Variants in LIMS1 observed in about 807,000 individuals in gnomAD.
LIMS1 encodes the protein LIM zinc finger domain containing 1, also known as LIM and senescent cell antigen-like-containing domain protein 1.
A neutral mutation model predicts 44.1 loss-of-function variants in LIMS1; 18 were observed. The observed-to-expected ratio is 0.41, with a 90% CI of 0.28 to 0.61. The LOEUF is 0.61. Among genes scored for constraint, LIMS1 ranks in the 20% least tolerant of loss-of-function variants. The pLI, the probability that LIMS1 is intolerant of heterozygous loss-of-function variation, is 0.32. For missense variants in LIMS1, 201 were observed against 422.0 expected (o/e 0.48, Z 4.59); for synonymous variants, 93 against 149.1 (o/e 0.62, Z 2.74).
chr2:108,608,555 C>T (rs1248706036), intron 1 of LIMS1, among the ~76,000 whole-genome samples: 1 of 152,200 alleles, frequency 6.6e-6, no homozygotes, highest in Admixed American at 6.5e-5. Context: ...CTGCCCTCCT[C>T]GGCCTCCCAA....
At chr2:108,593,540 G>A (rs534952062) in intron 1 of LIMS1, among the ~76,000 whole-genome samples, 40 of 152,274 alleles carry the variant, frequency 2.6e-4, no homozygotes, top group Non-Finnish European at 5.1e-4. Flanking sequence ...GCTAGATTAC[G>A]TCAATTTACA....
chr2:108,551,491 GCACACACACACACACACACACACA>G (rs67589132), intron 1 of LIMS1, among the ~76,000 whole-genome samples: 1 of 114,868 alleles, frequency 8.7e-6, no homozygotes, highest in African/African-American at 3.2e-5. Flanking sequence ...GCGCGCGCGC[GCACACACACACACACACACACACA>G]CACACACACA....
chr2:108,679,862 C>G (rs180751906), intron 8 of LIMS1, among the ~76,000 whole-genome samples: 1 of 151,688 alleles, frequency 6.6e-6, no homozygotes, highest in Non-Finnish European at 1.5e-5. Context: ...TGTGATCGCA[C>G]CACTGCAATA....
At chr2:108,686,698 C>A (rs1246643652) in exon 10 of LIMS1, 2 of 151,830 alleles carry the variant, frequency 1.3e-5, no homozygotes, top group South Asian at 4.2e-4. Flanking sequence ...ATGGCTTGAA[C>A]CCAGGAGGCG....
chr2:108,667,075 A>G (rs976419082), intron 2 of LIMS1, among the ~76,000 whole-genome samples: 12 of 151,818 alleles, frequency 7.9e-5, no homozygotes, highest in African/African-American at 2.9e-4. Context: ...CCTTTCCTGA[A>G]GGCTGGAGGG....
intron 1 of LIMS1, among the ~76,000 whole-genome samples, chr2:108,579,480 T>C (rs1275439767): frequency 2.0e-5 from 3 of 152,238 alleles, no homozygotes; most frequent in East Asian, 3.8e-4. Context: ...GCAAAAATCT[T>C]AAGTGCACAA....
chr2:108,663,435 CTT>C (rs1691509490), intron 2 of LIMS1, among the ~76,000 whole-genome samples: 1 of 152,226 alleles, frequency 6.6e-6, no homozygotes, highest in Non-Finnish European at 1.5e-5. Context: ...GTTCCTAAAT[CTT>C]TGTGACATCC....
Position 108,666,279 on chromosome 2 carries a change from G to A in LIMS1, c.193-4502G>A, listed in dbSNP as rs1187784035. Among the ~76,000 whole-genome samples, 4 of 151,638 alleles carry A rather than the reference G, an allele frequency of 2.6e-5. No homozygotes were observed. The East Asian group carries it at 7.7e-4, about 29-fold the overall frequency. The stretch of plus-strand genomic sequence containing the variant: ...TTAATTTGCTAGAGCAACTCACAGA[G>A]CTCAGGGAAACACTTTTACTGGTTT... On this transcript the variant is annotated intron_variant, in intron 2 of 9. Coordinates refer to ENST00000544547, the Ensembl canonical transcript of LIMS1.
At chr2:108,603,942 T>A (rs1687144068) in intron 1 of LIMS1, among the ~76,000 whole-genome samples, 1 of 152,176 alleles carries the variant, frequency 6.6e-6, no homozygotes, top group Non-Finnish European at 1.5e-5. Flanking sequence ...ATTTGAAGGG[T>A]TTTTTGTTGT....
intron 1 of LIMS1, among the ~76,000 whole-genome samples, chr2:108,543,188 T>A (rs1053835881): frequency 2.6e-5 from 4 of 152,108 alleles, no homozygotes; most frequent in African/African-American, 9.7e-5. Flanking sequence ...CTCAGCACTT[T>A]GGGAGGCTGA....
intron 1 of LIMS1, among the ~76,000 whole-genome samples, chr2:108,657,297 A>G (rs1690939940): frequency 6.6e-6 from 1 of 151,802 alleles, no homozygotes; most frequent in Non-Finnish European, 1.5e-5. Flanking sequence ...ATTCTAGAAT[A>G]TTCTTTTTGG....
intron 1 of LIMS1, among the ~76,000 whole-genome samples, chr2:108,635,058 A>T (rs1689143508): frequency 1.3e-5 from 2 of 152,158 alleles, no homozygotes; most frequent in South Asian, 4.1e-4. Flanking sequence ...GGGGGTCTAC[A>T]CTGGGGTGTG....
At chr2:108,672,345 G>T in exon 4 of LIMS1, 2 of 1,342,762 alleles carry the variant, frequency 1.5e-6, no homozygotes, top group South Asian at 2.6e-5. Context: ...CATTGGCCGA[G>T]TTATCAAAGC....
chr2:108,662,689 C>G (rs1459172691), intron 2 of LIMS1: 9 of 934,052 alleles, frequency 9.6e-6, no homozygotes, highest in Admixed American at 5.0e-5. Context: ...TTATATCCAG[C>G]AATAAGTTGT....
chr2:108,675,380 C>T (rs923090347), intron 5 of LIMS1, among the ~76,000 whole-genome samples: 14 of 152,002 alleles, frequency 9.2e-5, no homozygotes, highest in Non-Finnish European at 2.1e-4. Flanking sequence ...TATAAGGAAC[C>T]CACCCCCTCA....
chr2:108,587,154 G>A (rs1686140860), intron 1 of LIMS1, among the ~76,000 whole-genome samples: 1 of 152,104 alleles, frequency 6.6e-6, no homozygotes, highest in African/African-American at 2.4e-5. Context: ...ACTCTTTCAA[G>A]CACTAAACCC....
chr2:108,604,198 G>A lies in LIMS1; in HGVS notation c.33-55407G>A, dbSNP rs150552347. Among the ~76,000 whole-genome samples, 24 of 151,498 alleles carry A rather than the reference G, an allele frequency of 1.6e-4. No individual in the cohort carries two copies. In the East Asian group the frequency reaches 2.3e-3, roughly 15 times the overall value. ...TCTGGCCTCCTATTTTTTTTACAGC[G>A]TGTGAGCTAAGAATATTTTGACCTT... is the stretch of plus-strand genomic sequence containing the variant. On this transcript the variant is annotated intron_variant, in intron 1 of 9. Transcript: ENST00000544547.
rs183784730 is a variant in LIMS1, at chr2:108,663,288, A to T, written c.192+3524A>T. On this transcript the variant is annotated intron_variant, in intron 2 of 9. Transcript: ENST00000544547. ...CACACACTACCACAGCCAGATAATT[A>T]AAAAAATTTTTTTTGCAGAAACAGG... Among the ~76,000 whole-genome samples the T allele has an allele frequency of 4.6e-3, 705 of 152,106 alleles. 2 individuals carry two copies. Among genetic ancestry groups the T allele is most frequent in the Admixed American group, 7.4e-3 (113 of 15,288 alleles).
intron 1 of LIMS1, among the ~76,000 whole-genome samples, chr2:108,545,528 C>T (rs925237599): frequency 6.6e-6 from 1 of 152,184 alleles, no homozygotes; most frequent in Admixed American, 6.5e-5. Flanking sequence ...CCTGAGTCAC[C>T]GTGCCGGTGC....
Sources: gnomAD v4.1 joint callset for allele counts (sites outside exome capture counted in the v4.1 genomes callset) on GRCh38, gnomAD v4.1.1 for gene constraint, MANE v1.5 for transcripts, NCBI Gene and HGNC (gene_info 2026-07-23, HGNC 2026-07-21) for gene names.